The following DRC9 variants were observed in gnomAD, a reference collection of about 807,000 sequenced individuals.
DRC9 encodes the protein dynein regulatory complex subunit 9.
the DRC9 span, chr3:197,953,891 T>C: frequency 1.9e-5 from 19 of 983,930 alleles, no homozygotes; most frequent in Non-Finnish European, 2.9e-5. Context: ...TTAAAGTTTC[T>C]CAGGTGATGA....
chr3:197,898,544 C>T, the DRC9 span, among the ~76,000 whole-genome samples: 1 of 152,184 alleles, frequency 6.6e-6, no homozygotes, highest in Non-Finnish European at 1.5e-5. Flanking sequence ...AGTCTGTTCT[C>T]ATACTGCTGA....
chr3:197,951,705 T>A, the DRC9 span: 1 of 223,730 alleles, frequency 4.5e-6, no homozygotes, highest in African/African-American at 2.3e-5. Context: ...TACTTGGTAT[T>A]GTTTTTTTGT....
chr3:197,897,972 G>A, the DRC9 span, among the ~76,000 whole-genome samples: 1 of 145,000 alleles, frequency 6.9e-6, no homozygotes, highest in Non-Finnish European at 1.5e-5. Context: ...TAGTAGAGAC[G>A]AGCTTTCACC....
the DRC9 span, among the ~76,000 whole-genome samples, chr3:197,937,607 G>A: frequency 6.6e-6 from 1 of 151,900 alleles, no homozygotes; most frequent in African/African-American, 2.4e-5. Context: ...TGGTGCCGAG[G>A]CACCTGAGAT....
At chr3:197,950,265 G>A in the DRC9 span, 1 of 1,230,404 alleles carries the variant, frequency 8.1e-7, no homozygotes, top group Non-Finnish European at 1.0e-6. Context: ...CAAATAACCG[G>A]AGTAGGTTTG....
chr3:197,890,366 C>T, the DRC9 span, among the ~76,000 whole-genome samples: 1 of 151,110 alleles, frequency 6.6e-6, no homozygotes. Context: ...GATTGCGCCA[C>T]TGCACTCCAG....
the DRC9 span, among the ~76,000 whole-genome samples, chr3:197,893,859 AAAAGAAAG>A: frequency 6.6e-6 from 1 of 151,200 alleles, no homozygotes; most frequent in African/African-American, 2.5e-5. Context: ...AAAAAAAAGA[AAAAGAAAG>A]AAAAGCAAGT....
chr3:197,912,339 C>A, the DRC9 span: 1 of 209,596 alleles, frequency 4.8e-6, no homozygotes, highest in Non-Finnish European at 9.6e-6. Context: ...TGTGCCCAGC[C>A]CATAAATTTG....
the DRC9 span, chr3:197,950,193 C>T: frequency 6.1e-5 from 75 of 1,231,714 alleles, no homozygotes; most frequent in East Asian, 2.2e-4. Flanking sequence ...CCTCGTCCTT[C>T]TCTTACCGCC....
chr3:197,893,357 C>CAAAAAAA, the DRC9 span, among the ~76,000 whole-genome samples: 20 of 43,230 alleles, frequency 4.6e-4, 2 homozygotes, highest in African/African-American at 1.5e-3. Flanking sequence ...AACTCCGTCT[C>CAAAAAAA]AAAAAAAAAA....
the DRC9 span, chr3:197,944,174 A>C: frequency 2.4e-6 from 2 of 849,004 alleles, no homozygotes; most frequent in Non-Finnish European, 3.6e-6. Flanking sequence ...AATAGAACCT[A>C]GATGAAAAAA....
At chr3:197,949,330 G>T in the DRC9 span, 1 of 152,116 alleles carries the variant, frequency 6.6e-6, no homozygotes, top group Non-Finnish European at 1.5e-5. Flanking sequence ...TGAATCTCTG[G>T]CGTCCACTAA....
At chr3:197,960,164 G>A in the DRC9 span, 5 of 1,469,266 alleles carry the variant, frequency 3.4e-6, no homozygotes, top group Non-Finnish European at 4.6e-6. Flanking sequence ...TGGGCCCTCC[G>A]TCTACCCCCA....
At chr3:197,932,262 A>G in the DRC9 span, 1 of 1,612,688 alleles carries the variant, frequency 6.2e-7, no homozygotes, top group Non-Finnish European at 8.5e-7. Flanking sequence ...GAATCTTGCA[A>G]CTCCTTAATG....
the DRC9 span, among the ~76,000 whole-genome samples, chr3:197,932,926 T>C: frequency 7.2e-6 from 1 of 138,158 alleles, no homozygotes; most frequent in Non-Finnish European, 1.5e-5. Context: ...GCATATTATG[T>C]ATTATATATA....
the DRC9 span, among the ~76,000 whole-genome samples, chr3:197,903,076 G>A: frequency 6.6e-6 from 1 of 151,986 alleles, no homozygotes; most frequent in African/African-American, 2.4e-5. Context: ...CAAACACTGG[G>A]GAAAGGATAG....
the DRC9 span, among the ~76,000 whole-genome samples, chr3:197,932,889 A>T: frequency 5.8e-5 from 7 of 120,974 alleles, no homozygotes; most frequent in East Asian, 5.9e-4. Flanking sequence ...ATATATGTAT[A>T]ATATATGTAT....
At chr3:197,916,881 T>TAA in the DRC9 span, among the ~76,000 whole-genome samples, 1,043 of 139,338 alleles carry the variant, frequency 7.5e-3, 17 homozygotes, top group African/African-American at 0.025. Context: ...AATGATGAAC[T>TAA]AAAAAAAAAA....
At chr3:197,933,898 C>A in the DRC9 span, among the ~76,000 whole-genome samples, 1 of 149,674 alleles carries the variant, frequency 6.7e-6, no homozygotes, top group African/African-American at 2.5e-5. Flanking sequence ...GCAACCTCTG[C>A]CTCCTGGGTT....
Sources: gnomAD v4.1 joint callset for allele counts (sites outside exome capture counted in the v4.1 genomes callset) on GRCh38, gnomAD v4.1.1 for gene constraint, MANE v1.5 for transcripts, NCBI Gene and HGNC (gene_info 2026-07-23, HGNC 2026-07-21) for gene names.